PRPH: variants seen among roughly 807,000 people sequenced by gnomAD.
PRPH encodes the protein neurofilament 4 (57kD).
Under a neutral mutation model 52.6 loss-of-function variants are expected in PRPH, and 48 were observed. The ratio of observed to expected loss-of-function variants is 0.91; its 90% CI spans 0.72 to 1.16. The LOEUF is 1.16. Ranked by LOEUF, PRPH falls within the 50% of genes most tolerant of loss-of-function variation. The probability of loss-of-function intolerance (pLI) is 0.00; values close to 1 mark genes in which losing one functional copy is unlikely to be tolerated. For missense variants in PRPH, 579 were observed against 635.7 expected, an observed-to-expected ratio of 0.91 and a Z score of 0.96; for synonymous variants, 279 against 283.8, an observed-to-expected ratio of 0.98 and a Z score of 0.17.
chr12:49,297,878 C>G lies in PRPH; in HGVS notation c.1268-80C>G. On this transcript the variant is annotated intron_variant, in intron 7 of 8. Coordinates refer to ENST00000257860, the MANE Select transcript of PRPH (RefSeq NM_006262.4). This position sits in a 1 kb window ranked among gnomAD's most constrained non-coding sequence, Gnocchi z 4.4. ...ACTCCTCAAACCCGCCCCTCCCCTG[C>G]CCTCAGGGATAGCAGTGGGAGCCTA... The G allele has an allele frequency of 6.3e-7, 1 of 1,581,560 alleles. No homozygotes were observed. The highest frequency in any genetic ancestry group is 8.7e-7 in the Non-Finnish European group (1 of 1,150,712).
In PRPH at chr12:49,296,820, T is replaced by G; in HGVS notation, c.703-69T>G. On this transcript the variant is annotated intron_variant, in intron 3 of 8. Coordinates refer to ENST00000257860, the MANE Select transcript of PRPH (RefSeq NM_006262.4). The surrounding 1 kb of genome is among the most constrained non-coding windows in gnomAD (Gnocchi z 5.1). ...TCGTTCAAGCGTTTCTTCTCTTTTC[T>G]GTGCACGAACTGCGTGGCCCGCGTG... is the stretch of plus-strand genomic sequence containing the variant. The G allele has an allele frequency of 1.3e-6, 2 of 1,553,252 alleles. No homozygotes were observed. Among genetic ancestry groups the G allele is most frequent in the Non-Finnish European group, 1.7e-6 (2 of 1,148,138 alleles).
rs754725165 is a variant in PRPH, at chr12:49,297,398, G to A, written c.1038G>A (p.Gln346=). 1 of 1,613,590 alleles carries A rather than the reference G, an allele frequency of 6.2e-7. No individual in the cohort carries two copies. The highest frequency in any genetic ancestry group is 1.7e-5 in the Admixed American group (1 of 60,012). The change falls in exon 6 of 9, where the codon CAG becomes CAA. Residue 346 remains glutamine (Q), a synonymous_variant. Transcript: ENST00000257860. This position sits in a 1 kb window ranked among gnomAD's most constrained non-coding sequence, Gnocchi z 4.4. Reference sequence around the variant, plus strand: ...GGCAGTTGAGAGAGCTGGAGGAGCAGTTCGCCCTGGAGGCGGGGGGCTACC... The same window carrying A: ...GGCAGTTGAGAGAGCTGGAGGAGCAATTCGCCCTGGAGGCGGGGGGCTACC... ...LLRQLRELEE[Q]FALEAGGYQA...
At position 49,297,104 on chromosome 12, in the gene PRPH, G is replaced by A; in HGVS notation, c.871-44G>A. 1 of 1,613,850 alleles carries A rather than the reference G, an allele frequency of 6.2e-7. No homozygotes were observed. ...CGAGGCGGGACGCTGGGGTGGTGTC[G>A]CGCGTCCCAGCCGACTAAAGCCTGG... On this transcript the variant is annotated intron_variant, in intron 4 of 8. Transcript: ENST00000257860. The surrounding 1 kb of genome is among the most constrained non-coding windows in gnomAD (Gnocchi z 4.4).
chr12:49,296,336 C>A lies in PRPH; in HGVS notation c.607-96C>A, dbSNP rs1943179230. On this transcript the variant is annotated intron_variant, in intron 2 of 8. Coordinates refer to ENST00000257860, the MANE Select transcript of PRPH (RefSeq NM_006262.4). This position sits in a 1 kb window ranked among gnomAD's most constrained non-coding sequence, Gnocchi z 5.1. Reference sequence around the variant, plus strand: ...GGTGGGCGCGGGGAGAAGGGGGTAACCCAGATGCCTCCTGAGGCAGACAGG... The same window carrying A: ...GGTGGGCGCGGGGAGAAGGGGGTAAACCAGATGCCTCCTGAGGCAGACAGG... 6.4e-7 allele frequency: 1 copy of A among 1,565,214 alleles called. No individual in the cohort carries two copies.
In PRPH at chr12:49,297,689, C is replaced by T; in HGVS notation, c.1230C>T (p.Pro410=). 6.2e-7 allele frequency: 1 copy of T among 1,607,570 alleles called. No homozygotes were observed. Among genetic ancestry groups the T allele is most frequent in the Non-Finnish European group, 8.5e-7 (1 of 1,174,872 alleles). ...GCTTCGCCTCTAGGATCTCCGTGCC[C>T]GTCCATTCTTTTGCCTCCTTAAATA... is the stretch of plus-strand genomic sequence containing the variant. ...LEGEESRISV[P]VHSFASLNIK... is the part of the protein sequence containing the mutation. The change falls in exon 7 of 9, where the codon CCC becomes CCT. Residue 410 remains proline (P), a synonymous_variant. Coordinates refer to ENST00000257860, the MANE Select transcript of PRPH (RefSeq NM_006262.4). The surrounding 1 kb of genome is among the most constrained non-coding windows in gnomAD (Gnocchi z 4.4).
chr12:49,297,577 G>A lies in PRPH; in HGVS notation c.1217G>A (p.Arg406Gln), dbSNP rs1160325784. The A allele has an allele frequency of 6.2e-7, 1 of 1,611,600 alleles. No homozygotes were observed. Residue 406 changes from arginine (R) to glutamine (Q), a missense_variant and splice_region_variant, in exon 6 of 9, where the codon CGG becomes CAG. Arg to Gln is a conservative substitution (Grantham distance 43). Transcript: ENST00000257860. The surrounding 1 kb of genome is among the most constrained non-coding windows in gnomAD (Gnocchi z 4.4). ...YRKLLEGEES[R>Q]ISVPVHSFAS... Reference sequence around the variant, plus strand: ...AAGCTGCTGGAGGGCGAGGAGAGCCGGTGAGGGTGGAGCTGCTGGGGCGGG... The same window carrying A: ...AAGCTGCTGGAGGGCGAGGAGAGCCAGTGAGGGTGGAGCTGCTGGGGCGGG...
Position 49,297,179 on chromosome 12 carries a change from A to C in PRPH, c.902A>C (p.Asn301Thr). 1 of 1,613,994 alleles carries C rather than the reference A, an allele frequency of 6.2e-7. No individual in the cohort carries two copies. Among genetic ancestry groups the C allele is most frequent in the Admixed American group, 1.7e-5 (1 of 60,014 alleles). ...GACCTGTCCGACGCTGCCAACCGGA[A>C]CCACGAGGCCCTGCGCCAGGCCAAG... ...YADLSDAANR[N>T]HEALRQAKQE... Residue 301 changes from asparagine (N) to threonine (T), a missense_variant, in exon 5 of 9, where the codon AAC becomes ACC. Asn to Thr is a moderately conservative substitution (Grantham distance 65, BLOSUM62 0). Transcript: ENST00000257860. This position sits in a 1 kb window ranked among gnomAD's most constrained non-coding sequence, Gnocchi z 4.4.
chr12:49,296,380 TG>T lies in PRPH; in HGVS notation c.607-50del. 1 of 1,593,916 alleles carries T rather than the reference TG, an allele frequency of 6.3e-7. No homozygotes were observed. Among genetic ancestry groups the T allele is most frequent in the Non-Finnish European group, 8.6e-7 (1 of 1,162,604 alleles). ...AGACAGGGAAGGCCTGGTCCTTCCTTGGTCTGCGCAGCCCCTAACTTATCTT... is the reference window on the plus strand; with the variant it reads ...AGACAGGGAAGGCCTGGTCCTTCCTTGTCTGCGCAGCCCCTAACTTATCTT... On this transcript the variant is annotated intron_variant, in intron 2 of 8. Coordinates refer to ENST00000257860, the MANE Select transcript of PRPH (RefSeq NM_006262.4). This position sits in a 1 kb window ranked among gnomAD's most constrained non-coding sequence, Gnocchi z 5.1.
At chr12:49,298,176 A>G in intron 8 of PRPH, 112 bp from the exon 9 acceptor site, 1 of 1,484,402 alleles carries the variant, frequency 6.7e-7, no homozygotes, top group Non-Finnish European at 9.3e-7. Flanking sequence ...GTGGATAGAT[A>G]ACCAGGAGCC....
Position 49,295,256 on chromosome 12 carries a change from G to C in PRPH, c.56G>C (p.Arg19Pro). Residue 19 changes from arginine to proline, a missense_variant, in exon 1 of 9, where the codon CGT becomes CCT. By Grantham distance (103) the Arg-to-Pro change is moderately radical. Transcript: ENST00000257860. ...GGCTTCAGCTCCACCTCATACCGCC[G>C]TACCTTCGGTCCACCGCCCTCACTA... ...RAGFSSTSYR[R>P]TFGPPPSLSP... 1.2e-6 allele frequency: 2 copies of C among 1,611,812 alleles called. No individual in the cohort carries two copies. Among genetic ancestry groups the C allele is most frequent in the Non-Finnish European group, 1.7e-6 (2 of 1,179,684 alleles).
rs201124080 is a variant in PRPH at position 49,297,763 on chromosome 12, A to C, written c.1267+37A>C. Reference sequence around the variant, plus strand: ...TTACAGCCTGTACCTCTCCTTGTCCACTTCTGCCCTCCTCGGGCTCTTGCT... The same window carrying C: ...TTACAGCCTGTACCTCTCCTTGTCCCCTTCTGCCCTCCTCGGGCTCTTGCT... On this transcript the variant is annotated intron_variant, in intron 7 of 8. Transcript: ENST00000257860. This position sits in a 1 kb window ranked among gnomAD's most constrained non-coding sequence, Gnocchi z 4.4. The C allele has an allele frequency of 2.9e-5, 47 of 1,613,218 alleles. No homozygotes were observed. In the East Asian group the frequency reaches 1.0e-3, roughly 36 times the overall value.
Position 49,297,620 on chromosome 12 carries a change from C to G in PRPH, c.1217+43C>G. On this transcript the variant is annotated intron_variant, in intron 6 of 8. Transcript: ENST00000257860. This position sits in a 1 kb window ranked among gnomAD's most constrained non-coding sequence, Gnocchi z 4.4. Reference sequence around the variant, plus strand: ...GGGGCGGGGCAGGGCGGGGTCGGGACTGGGCCGGGCAGGGCGGGGCCTGGG... The same window carrying G: ...GGGGCGGGGCAGGGCGGGGTCGGGAGTGGGCCGGGCAGGGCGGGGCCTGGG... The G allele has an allele frequency of 7.6e-7, 1 of 1,312,274 alleles. No individual in the cohort carries two copies. The highest frequency in any genetic ancestry group is 1.2e-5 in the South Asian group (1 of 86,062). 81.3% of individuals were successfully genotyped at this position (1,312,274 alleles called of 1,614,324 possible).
Position 49,297,357 on chromosome 12 carries a change from A to C in PRPH, c.997A>C (p.Asn333His). 1.2e-6 allele frequency: 2 copies of C among 1,613,648 alleles called. No individual in the cohort carries two copies. The highest frequency in any genetic ancestry group is 1.7e-6 in the Non-Finnish European group (2 of 1,179,958). Reference protein sequence around the residue: ...TCEVDGLRGTNEALLRQLREL... With the variant: ...TCEVDGLRGTHEALLRQLREL... ...GGCCCCTTCCACTCTCCTACCCCAG[A>C]ACGAGGCGCTGCTCAGGCAGTTGAG... The change falls in exon 6 of 9, where the codon AAC (asparagine) becomes CAC (histidine). Residue 333 changes from asparagine (N) to histidine (H), a missense_variant and splice_region_variant. Asn to His is a moderately conservative substitution (Grantham distance 68, BLOSUM62 1). Coordinates refer to ENST00000257860, the MANE Select transcript of PRPH (RefSeq NM_006262.4). This position sits in a 1 kb window ranked among gnomAD's most constrained non-coding sequence, Gnocchi z 4.4.
At position 49,296,245 on chromosome 12, in the gene PRPH, C is replaced by G. The variant is rs1484937133; in HGVS notation, c.606+7C>G. 1.2e-6 allele frequency: 2 copies of G among 1,612,574 alleles called. No individual in the cohort carries two copies. Among genetic ancestry groups the G allele is most frequent in the African/African-American group, 2.7e-5 (2 of 74,908 alleles). On this transcript the variant is annotated splice_region_variant and intron_variant, in intron 2 of 8. Coordinates refer to ENST00000257860, the MANE Select transcript of PRPH (RefSeq NM_006262.4). This position sits in a 1 kb window ranked among gnomAD's most constrained non-coding sequence, Gnocchi z 5.1. ...CCTCGTGCTCTTCCGCAAGGTGAGT[C>G]CGAGCCCCTCTCCGAGTTCAGCCTC... is the stretch of plus-strand genomic sequence containing the variant.
Position 49,296,631 on chromosome 12 carries a change from G to T in PRPH, c.702+104G>T. 1 of 1,191,802 alleles carries T rather than the reference G, an allele frequency of 8.4e-7. No homozygotes were observed. Among genetic ancestry groups the T allele is most frequent in the Non-Finnish European group, 1.2e-6 (1 of 821,054 alleles). The allele number at this position is 1,191,802 out of a possible 1,614,324, so 73.8% of individuals were successfully genotyped here. A position where few individuals can be genotyped will look rare whatever the true frequency, so the allele number is the denominator to read the frequency against. On this transcript the variant is annotated intron_variant, in intron 3 of 8. Coordinates refer to ENST00000257860, the MANE Select transcript of PRPH (RefSeq NM_006262.4). This position sits in a 1 kb window ranked among gnomAD's most constrained non-coding sequence, Gnocchi z 5.1. ...TCGCCCTGGGGATCAGGACGATGCTGGGTAGACGCAGCCCCTCCACCCTAG... is the reference window on the plus strand; with the variant it reads ...TCGCCCTGGGGATCAGGACGATGCTTGGTAGACGCAGCCCCTCCACCCTAG...
chr12:49,297,506 C>T lies in PRPH; in HGVS notation c.1146C>T (p.Leu382=). The T allele has an allele frequency of 6.2e-7, 1 of 1,612,566 alleles. No homozygotes were observed. The change falls in exon 6 of 9, where the codon CTC becomes CTT. Residue 382 remains leucine, a synonymous_variant. Coordinates refer to ENST00000257860, the MANE Select transcript of PRPH (RefSeq NM_006262.4). The surrounding 1 kb of genome is among the most constrained non-coding windows in gnomAD (Gnocchi z 4.4). ...GGCACCTGAGGGAGTACCAGGAGCT[C>T]CTCAACGTCAAGATGGCCCTGGACA... is the stretch of plus-strand genomic sequence containing the variant. The part of the protein sequence containing the change: ...MARHLREYQE[L]LNVKMALDIE...
chr12:49,298,190 G>A, intron 8 of PRPH, 98 bp from the exon 9 acceptor site: 1 of 1,503,094 alleles, frequency 6.7e-7, no homozygotes, highest in South Asian at 1.2e-5. Context: ...AGGAGCCTCT[G>A]CTGGTTACCC....
intron 8 of PRPH, 32 bp from the exon 9 acceptor site, chr12:49,298,256 C>A: frequency 6.2e-7 from 1 of 1,613,334 alleles, no homozygotes; most frequent in Non-Finnish European, 8.5e-7. Context: ...CGCTGAATGG[C>A]TTGTGCCCAT....
Position 49,295,166 on chromosome 12 carries a change from G to C in PRPH, c.-35G>C. On this transcript the variant is annotated 5_prime_UTR_variant, in exon 1 of 9. Coordinates refer to ENST00000257860, the MANE Select transcript of PRPH (RefSeq NM_006262.4). ...CGGCTCCTTCCCAGCCCCCGGCCTAGCTCTGCGAACGGTGACTGCCCATCC... is the reference window on the plus strand; with the variant it reads ...CGGCTCCTTCCCAGCCCCCGGCCTACCTCTGCGAACGGTGACTGCCCATCC... The C allele has an allele frequency of 1.2e-6, 2 of 1,602,280 alleles. No individual in the cohort carries two copies. Among genetic ancestry groups the C allele is most frequent in the Non-Finnish European group, 1.7e-6 (2 of 1,176,204 alleles).
Sources: allele counts gnomAD v4.1 joint callset, GRCh38; gene constraint gnomAD v4.1.1; non-coding constraint Gnocchi (gnomAD v3.1); transcripts MANE v1.5; gene names NCBI Gene and HGNC (gene_info 2026-07-23, HGNC 2026-07-21).